The following FRAS1 variants were observed in gnomAD, a reference collection of about 807,000 sequenced individuals.
FRAS1 encodes the protein Fraser extracellular matrix complex subunit 1, also known as extracellular matrix organizing protein FRAS1.
FRAS1 carries 290 observed loss-of-function variants against 435.2 expected under a neutral mutation model. The observed-to-expected ratio is 0.67, with a 90% CI of 0.61 to 0.73. The LOEUF is 0.73. Ranked by LOEUF, FRAS1 falls within the 30% of genes least tolerant of loss-of-function variation. The probability of loss-of-function intolerance (pLI) is 0.00; values close to 1 mark genes in which losing one functional copy is unlikely to be tolerated. For synonymous variants in FRAS1, 1,800 were observed against 1,851.0 expected (o/e 0.97, Z 0.71); for missense variants, 4,860 against 5,001.5 (o/e 0.97, Z 0.85).
intron 2 of FRAS1, among the ~76,000 whole-genome samples, chr4:78,192,504 A>G (rs1197807919): frequency 1.3e-5 from 2 of 151,904 alleles, no homozygotes; most frequent in Non-Finnish European, 2.9e-5. Flanking sequence ...GTTTTGGGAG[A>G]GTGTATGTGT....
intron 69 of FRAS1, among the ~76,000 whole-genome samples, chr4:78,524,801 A>C (rs2109897231): frequency 6.6e-6 from 1 of 152,348 alleles, no homozygotes; most frequent in African/African-American, 2.4e-5. Context: ...TAAGCAAAGT[A>C]TAACAAATGT....
At chr4:78,274,786 T>G (rs1578221415) in intron 9 of FRAS1, among the ~76,000 whole-genome samples, 1 of 152,216 alleles carries the variant, frequency 6.6e-6, no homozygotes, top group Non-Finnish European at 1.5e-5. Flanking sequence ...AGAATGTATA[T>G]TCTGTTGATT....
rs541530185 is a variant in FRAS1, at chr4:78,498,267, T to C, written c.9115+1306T>C. On this transcript the variant is annotated intron_variant, in intron 60 of 73. Transcript: ENST00000512123. ...GCTCATGCCTGTAATCCCAGCACTT[T>C]GGGAGGCCAAGGCAGGATCACCTAA... is the stretch of plus-strand genomic sequence containing the variant. Among the ~76,000 whole-genome samples the C allele has an allele frequency of 4.6e-5, 7 of 152,196 alleles. No individual in the cohort carries two copies. The East Asian group carries it at 1.2e-3, about 25-fold the overall frequency.
At chr4:78,428,948 G>A (rs1734101753) in intron 35 of FRAS1, 147 bp from the exon 36 acceptor site, 1 of 673,184 alleles carries the variant, frequency 1.5e-6, no homozygotes, top group Admixed American at 2.4e-5. Flanking sequence ...TCTCTTCAAA[G>A]GTTAAAGTAG....
chr4:78,445,051 T>C (rs1045917774), intron 41 of FRAS1, among the ~76,000 whole-genome samples: 2 of 152,236 alleles, frequency 1.3e-5, no homozygotes, highest in Non-Finnish European at 2.9e-5. Context: ...CAGATGTTTT[T>C]AGATTAAAAG....
intron 2 of FRAS1, among the ~76,000 whole-genome samples, chr4:78,079,903 A>T (rs77335682): frequency 0.055 from 8,323 of 152,228 alleles, 418 homozygotes; most frequent in East Asian, 0.21. Context: ...CCAAAGAGAA[A>T]GCAGCAGATG....
intron 2 of FRAS1, among the ~76,000 whole-genome samples, chr4:78,102,327 G>A (rs1425158758): frequency 6.6e-6 from 1 of 152,162 alleles, no homozygotes; most frequent in Non-Finnish European, 1.5e-5. Context: ...AATTAGTGAA[G>A]TTCATGCCCA....
At chr4:78,312,744 A>C (rs1729076433) in intron 15 of FRAS1, among the ~76,000 whole-genome samples, 1 of 152,054 alleles carries the variant, frequency 6.6e-6, no homozygotes, top group Non-Finnish European at 1.5e-5. Flanking sequence ...AGGCAGGAGA[A>C]TCACTTGAGC....
At chr4:78,345,926 T>C (rs380076) in intron 20 of FRAS1, among the ~76,000 whole-genome samples, 25,753 of 152,064 alleles carry the variant, frequency 0.17, 2,876 homozygotes, top group African/African-American at 0.32. Context: ...CAATACCTTC[T>C]CTAGCTTTCA....
At chr4:78,162,120 C>T (rs985204544) in intron 2 of FRAS1, among the ~76,000 whole-genome samples, 2 of 152,100 alleles carry the variant, frequency 1.3e-5, no homozygotes, top group Admixed American at 6.6e-5. Flanking sequence ...TGAAAATATA[C>T]TTTGTCCTTG....
At chr4:78,188,641 C>G (rs1186890507) in intron 2 of FRAS1, among the ~76,000 whole-genome samples, 1 of 152,108 alleles carries the variant, frequency 6.6e-6, no homozygotes, top group Non-Finnish European at 1.5e-5. Context: ...CACAGTAATG[C>G]CTAGATTAGC....
chr4:78,479,420 G>A lies in FRAS1; in HGVS notation c.8145G>A (p.Lys2715=), dbSNP rs753831435. The change falls in exon 56 of 74, where the codon AAG becomes AAA. Residue 2715 remains lysine (K), a synonymous_variant. Coordinates refer to ENST00000512123, the MANE Select transcript of FRAS1 (RefSeq NM_025074.7). ...IVSAICYTVP[K]SAMGSSLYAL... is the part of the protein sequence containing the mutation. ...CTGCAATTTGCTACACAGTCCCTAA[G>A]TCAGCTATGGGAAGTAGCCTCTATG... The A allele has an allele frequency of 1.9e-6, 3 of 1,560,720 alleles. No individual in the cohort carries two copies. The South Asian group carries it at 3.7e-5, about 19-fold the overall frequency.
At chr4:78,508,307 C>T (rs67993554) in intron 62 of FRAS1, among the ~76,000 whole-genome samples, 50,005 of 152,070 alleles carry the variant, frequency 0.33, 8,955 homozygotes, top group South Asian at 0.52. Context: ...AAATGTGTCT[C>T]TTATTTGGCC....
intron 18 of FRAS1, among the ~76,000 whole-genome samples, chr4:78,329,293 G>A (rs1394755812): frequency 6.6e-6 from 1 of 152,204 alleles, no homozygotes; most frequent in Non-Finnish European, 1.5e-5. Context: ...GTTCGAGCTC[G>A]AGAAGGAATC....
chr4:78,219,138 C>T (rs1035494813), intron 2 of FRAS1, among the ~76,000 whole-genome samples: 2 of 152,058 alleles, frequency 1.3e-5, no homozygotes, highest in African/African-American at 4.8e-5. Flanking sequence ...AAACCAAATG[C>T]TATTTAATGT....
chr4:78,072,934 C>A (rs1169653883), intron 2 of FRAS1, among the ~76,000 whole-genome samples: 2 of 152,084 alleles, frequency 1.3e-5, no homozygotes, highest in African/African-American at 2.4e-5. Flanking sequence ...CAGTGGCAGG[C>A]TTTTCTGATT....
At chr4:78,253,093 T>A (rs1725620570) in intron 5 of FRAS1, among the ~76,000 whole-genome samples, 1 of 152,004 alleles carries the variant, frequency 6.6e-6, no homozygotes. Flanking sequence ...ACTCCCAGAG[T>A]GGCCGTTTAT....
chr4:78,119,893 G>A (rs1718912929), intron 2 of FRAS1, among the ~76,000 whole-genome samples: 1 of 152,076 alleles, frequency 6.6e-6, no homozygotes, highest in African/African-American at 2.4e-5. Context: ...GGTGTAATTG[G>A]GTGGTTCAGA....
At chr4:78,069,253 A>G (rs1293677452) in intron 2 of FRAS1, among the ~76,000 whole-genome samples, 1 of 152,216 alleles carries the variant, frequency 6.6e-6, no homozygotes, top group African/African-American at 2.4e-5. Flanking sequence ...AGGTTTGTTC[A>G]TCTCCCAGGT....
Sources: gnomAD v4.1 joint callset for allele counts (sites outside exome capture counted in the v4.1 genomes callset) on GRCh38, gnomAD v4.1.1 for gene constraint, MANE v1.5 for transcripts, NCBI Gene and HGNC (gene_info 2026-07-23, HGNC 2026-07-21) for gene names.